RERE: variants seen among roughly 807,000 people sequenced by gnomAD.
RERE encodes the protein arginine-glutamic acid dipeptide repeats.
In RERE, 40 loss-of-function variants were observed where a neutral mutation model predicts 146.1. That is an observed-to-expected ratio of 0.27 (90% CI 0.21 to 0.36). RERE has a LOEUF of 0.36. Ranked by LOEUF, RERE falls within the 10% of genes least tolerant of loss-of-function variation. The pLI is 1.00. For synonymous variants in RERE, 1,003 were observed against 866.0 expected (o/e 1.16, Z -2.78); for missense variants, 1,933 against 2,138.7 (o/e 0.90, Z 1.90).
intron 1 of RERE, among the ~76,000 whole-genome samples, chr1:8,657,995 C>A (rs1014427672): frequency 6.6e-6 from 1 of 152,086 alleles, no homozygotes; most frequent in Non-Finnish European, 1.5e-5. Context: ...CAAAAAGAAA[C>A]CCAACAAGAA....
In RERE at chr1:8,647,929, T is replaced by C. The variant is rs76367948; in HGVS notation, c.325+8044A>G. ...GAATGGAAATTTTCCATTTAGAAAA[T>C]AGTTGCATGTTATCTTTACTTTTTC... On this transcript the variant is annotated intron_variant, in intron 2 of 22. Transcript: ENST00000400908. Among the ~76,000 whole-genome samples the C allele has an allele frequency of 9.9e-3, 1,506 of 152,240 alleles. 25 individuals are homozygous for C. The highest frequency in any genetic ancestry group is 0.035 in the African/African-American group (1,444 of 41,518).
chr1:8,674,336 T>C (rs1366138991), intron 1 of RERE, among the ~76,000 whole-genome samples: 3 of 152,116 alleles, frequency 2.0e-5, no homozygotes, highest in South Asian at 4.1e-4. Flanking sequence ...AAGTAATACA[T>C]ACTTCTTTTT....
chr1:8,656,192 T>C lies in RERE; in HGVS notation c.106A>G (p.Arg36Gly). 6.2e-7 allele frequency: 1 copy of C among 1,613,796 alleles called. No individual in the cohort carries two copies. Among genetic ancestry groups the C allele is most frequent in the Non-Finnish European group, 8.5e-7 (1 of 1,179,662 alleles). Residue 36 changes from arginine (R) to glycine (G), a missense_variant, in exon 2 of 23, where the codon AGG becomes GGG. By Grantham distance (125) the Arg-to-Gly change is moderately radical. This residue lies in a region of RERE where 107 missense variants were observed against 119.7 expected (regional missense o/e 0.89). Transcript: ENST00000400908. ...RDKARESENSRPRRSCTLEGG... is the reference protein window; with the variant it reads ...RDKARESENSGPRRSCTLEGG... ...TCCAAGGTACAGCTCCGGCGTGGCC[T>C]TGAATTCTCACTCTCTCTTGCTTTG...
At chr1:8,541,089 T>C (rs911421513) in intron 7 of RERE, 125 bp downstream of exon 7, 2 of 431,668 alleles carry the variant, frequency 4.6e-6, no homozygotes, top group African/African-American at 2.0e-5. Context: ...TCTGGAGTCA[T>C]TTTTTTTAAG....
intron 7 of RERE, among the ~76,000 whole-genome samples, chr1:8,525,302 C>G (rs940134963): frequency 6.6e-6 from 1 of 152,194 alleles, no homozygotes; most frequent in African/African-American, 2.4e-5. Context: ...TTCCACCCAC[C>G]TTCAAAGCAA....
chr1:8,750,421 G>C, intron 1 of RERE: 1 of 776,910 alleles, frequency 1.3e-6, no homozygotes, highest in South Asian at 1.4e-5. Context: ...CTCTTTTTCC[G>C]GCTGGAACCA....
At chr1:8,650,998 G>C (rs1197152348) in intron 2 of RERE, among the ~76,000 whole-genome samples, 1 of 152,074 alleles carries the variant, frequency 6.6e-6, no homozygotes, top group Admixed American at 6.5e-5. Flanking sequence ...TCAGGAGGCT[G>C]AGGCAGGAGA....
chr1:8,396,321 G>A (rs540265879), intron 12 of RERE, among the ~76,000 whole-genome samples: 3 of 152,288 alleles, frequency 2.0e-5, no homozygotes, highest in Non-Finnish European at 4.4e-5. Flanking sequence ...GTTGAAGAAC[G>A]TGACATGGAC....
chr1:8,798,293 A>G (rs1212550941), intron 1 of RERE, among the ~76,000 whole-genome samples: 4 of 152,112 alleles, frequency 2.6e-5, no homozygotes, highest in Non-Finnish European at 5.9e-5. Flanking sequence ...GCTACCTGGG[A>G]GGCTGAGGCA....
At chr1:8,716,672 G>GA (rs566357037) in intron 1 of RERE, among the ~76,000 whole-genome samples, 14 of 150,234 alleles carry the variant, frequency 9.3e-5, no homozygotes, top group African/African-American at 2.2e-4. Context: ...ATATTACCTA[G>GA]AAAAAAAAAT....
At chr1:8,486,813 A>C (rs1041815816) in intron 10 of RERE, among the ~76,000 whole-genome samples, 3 of 151,760 alleles carry the variant, frequency 2.0e-5, no homozygotes, top group Non-Finnish European at 2.9e-5. Flanking sequence ...TATATAAAAA[A>C]ATTTAGATGG....
intron 12 of RERE, among the ~76,000 whole-genome samples, chr1:8,405,305 T>C (rs1643406730): frequency 6.6e-6 from 1 of 151,922 alleles, no homozygotes. Flanking sequence ...TAAGACAAAG[T>C]CACTCATTAA....
chr1:8,672,773 C>T (rs1042455921), intron 1 of RERE, among the ~76,000 whole-genome samples: 2 of 152,190 alleles, frequency 1.3e-5, no homozygotes, highest in Non-Finnish European at 2.9e-5. Context: ...TGTAACTTCA[C>T]ACTTTACAGT....
chr1:8,757,004 C>G (rs1640655314), intron 1 of RERE, among the ~76,000 whole-genome samples: 2 of 149,398 alleles, frequency 1.3e-5, no homozygotes, highest in Admixed American at 1.4e-4. Context: ...GCAGGAGAAT[C>G]ACTTGAACCC....
intron 8 of RERE, among the ~76,000 whole-genome samples, chr1:8,501,019 A>G (rs1235144320): frequency 1.9e-4 from 6 of 31,172 alleles, no homozygotes; most frequent in East Asian, 3.0e-3. Context: ...CCCGGCAGCC[A>G]CCCCGTCCGG....
intron 1 of RERE, among the ~76,000 whole-genome samples, chr1:8,736,877 T>TAAAAAAAAAAAAAAAAAAAAAAA (rs1553142592): frequency 7.7e-6 from 1 of 130,396 alleles, no homozygotes. Context: ...AAAAAAAAAC[T>TAAAAAAAAAAAAAAAAAAAAAAA]AAAACCTTTG....
intron 1 of RERE, among the ~76,000 whole-genome samples, chr1:8,808,718 C>T (rs1289093285): frequency 6.6e-6 from 1 of 152,100 alleles, no homozygotes; most frequent in Non-Finnish European, 1.5e-5. Context: ...ACAAATACTA[C>T]AGCTTGGTAA....
chr1:8,619,942 T>C (rs568738501), intron 3 of RERE, among the ~76,000 whole-genome samples: 1 of 152,340 alleles, frequency 6.6e-6, no homozygotes, highest in African/African-American at 2.4e-5. Context: ...AACAATATTT[T>C]ATACTTCTTC....
chr1:8,384,476 G>A (rs925108278), intron 12 of RERE, among the ~76,000 whole-genome samples: 6 of 152,204 alleles, frequency 3.9e-5, no homozygotes, highest in Non-Finnish European at 8.8e-5. Context: ...GGGAACTCAA[G>A]CAATCATTTA....
Sources: allele counts gnomAD v4.1 joint callset (sites outside exome capture counted in the v4.1 genomes callset), GRCh38; gene constraint gnomAD v4.1.1; regional missense constraint gnomAD v4.1.1; transcripts MANE v1.5; gene names NCBI Gene and HGNC (gene_info 2026-07-23, HGNC 2026-07-21).